CMBL: variants seen among roughly 807,000 people sequenced by gnomAD.
CMBL encodes the protein carboxymethylenebutenolidase homolog (Pseudomonas).
CMBL carries 17 observed loss-of-function variants against 28.7 expected under a neutral mutation model. The observed-to-expected ratio is 0.59, with a 90% CI of 0.41 to 0.89. CMBL has a LOEUF of 0.89. Among genes scored for constraint, CMBL ranks in the 40% least tolerant of loss-of-function variants. The probability of loss-of-function intolerance (pLI) is 0.00; values close to 1 mark genes in which losing one functional copy is unlikely to be tolerated. For synonymous variants in CMBL, 106 were observed against 101.6 expected (o/e 1.04, Z -0.26); for missense variants, 310 against 298.5 (o/e 1.04, Z -0.28).
At chr5:10,282,434 C>A (rs568358756) in intron 4 of CMBL, 146 bp from the exon 5 acceptor site, 2 of 589,540 alleles carry the variant, frequency 3.4e-6, no homozygotes, top group East Asian at 6.0e-5. Flanking sequence ...CTCTGCTTTG[C>A]GGACTTTATT....
chr5:10,304,448 T>G (rs1746962970), intron 1 of CMBL, among the ~76,000 whole-genome samples: 1 of 152,224 alleles, frequency 6.6e-6, no homozygotes, highest in African/African-American at 2.4e-5. Flanking sequence ...TTGGCCACAC[T>G]GTTCAGCACA....
chr5:10,281,760 T>C (rs1240446582), intron 5 of CMBL, among the ~76,000 whole-genome samples: 1 of 152,218 alleles, frequency 6.6e-6, no homozygotes, highest in Non-Finnish European at 1.5e-5. Flanking sequence ...ATAAGTGGAA[T>C]TGAATAAAAC....
At chr5:10,304,111 A>G (rs950544223) in intron 1 of CMBL, among the ~76,000 whole-genome samples, 8 of 152,086 alleles carry the variant, frequency 5.3e-5, no homozygotes, top group African/African-American at 1.4e-4. Context: ...CTATACTCCC[A>G]ACACTTTGGG....
chr5:10,298,382 T>G (rs1243302521), intron 1 of CMBL, among the ~76,000 whole-genome samples: 2 of 152,166 alleles, frequency 1.3e-5, no homozygotes, highest in African/African-American at 2.4e-5. Context: ...TAAATCCCAT[T>G]TCATGGTAAC....
chr5:10,281,970 G>A (rs1009268061), intron 5 of CMBL, among the ~76,000 whole-genome samples: 1 of 152,110 alleles, frequency 6.6e-6, no homozygotes, highest in African/African-American at 2.4e-5. Context: ...GACCAGCCTG[G>A]TCAACATGGT....
At chr5:10,294,682 G>T (rs1746779345) in intron 1 of CMBL, among the ~76,000 whole-genome samples, 2 of 152,164 alleles carry the variant, frequency 1.3e-5, no homozygotes, top group Non-Finnish European at 2.9e-5. Flanking sequence ...AGATGAAGCA[G>T]CTCACACCAG....
chr5:10,303,735 T>A (rs1017680106), intron 1 of CMBL, among the ~76,000 whole-genome samples: 1 of 152,108 alleles, frequency 6.6e-6, no homozygotes, highest in Non-Finnish European at 1.5e-5. Context: ...ATCACACACC[T>A]CTCATTATCC....
Position 10,279,358 on chromosome 5 carries a change from G to A in CMBL, c.*1095C>T, listed in dbSNP as rs1217945826. On this transcript the variant is annotated 3_prime_UTR_variant, in exon 6 of 6. Transcript: ENST00000296658. ...TTTTGATCTCAATACTTCCCATATT[G>A]CAATATATAAATGTGACAAATTCAG... 6.6e-6 allele frequency: 1 copy of A among 152,308 alleles called. No homozygotes were observed. The highest frequency in any genetic ancestry group is 6.5e-5 in the Admixed American group (1 of 15,300). The allele number at this position is 152,308 out of a possible 1,614,324, so 9.4% of individuals were successfully genotyped here.
Position 10,288,568 on chromosome 5 carries a change from T to C in CMBL, c.216-39A>G, listed in dbSNP as rs372612984. On this transcript the variant is annotated intron_variant, in intron 2 of 5. Transcript: ENST00000296658. ...ACATGAATTGATCTTAGTTTCAGAG[T>C]TGCTTGACTCAGTATTTTGCTTGCA... The C allele has an allele frequency of 2.9e-6, 4 of 1,400,408 alleles. No individual in the cohort carries two copies. In the African/African-American group the frequency reaches 4.2e-5, roughly 15 times the overall value. 86.7% of individuals were successfully genotyped at this position (1,400,408 alleles called of 1,614,324 possible).
rs144479678 is a variant in CMBL at position 10,280,503 on chromosome 5, T to C, written c.688A>G (p.Ile230Val). ...ATTAAATTCCTTCTGGCCTCGTCAA[T>C]GTAGGGCTTGTCTGCAGGTGAGCAA... Reference protein sequence around the residue: ...EDCSPADKPYIDEARRNLIEW... With the variant: ...EDCSPADKPYVDEARRNLIEW... Residue 230 changes from isoleucine to valine, a missense_variant, in exon 6 of 6, where the codon ATT (isoleucine) becomes GTT (valine). Coordinates refer to ENST00000296658, the MANE Select transcript of CMBL (RefSeq NM_138809.4). 4.3e-6 allele frequency: 7 copies of C among 1,613,628 alleles called. No homozygotes were observed. In the African/African-American group the frequency reaches 5.3e-5, roughly 12 times the overall value.
chr5:10,294,817 C>T (rs866906534), intron 1 of CMBL, among the ~76,000 whole-genome samples: 2 of 152,252 alleles, frequency 1.3e-5, no homozygotes, highest in Middle Eastern at 6.8e-3. Flanking sequence ...GTGATGACTA[C>T]AAGGGTTCCT....
At chr5:10,284,265 A>G (rs567158158) in intron 4 of CMBL, among the ~76,000 whole-genome samples, 1 of 152,362 alleles carries the variant, frequency 6.6e-6, no homozygotes, top group East Asian at 1.9e-4. Flanking sequence ...TCTCAGCTCC[A>G]TTGTTCCCAG....
intron 1 of CMBL, among the ~76,000 whole-genome samples, chr5:10,295,857 A>C (rs1047710159): frequency 6.6e-6 from 1 of 152,156 alleles, no homozygotes; most frequent in African/African-American, 2.4e-5. Context: ...CAGTGTAAAC[A>C]AGTGTCCTTT....
At chr5:10,292,709 A>G (rs1405601677) in intron 1 of CMBL, among the ~76,000 whole-genome samples, 1 of 151,734 alleles carries the variant, frequency 6.6e-6, no homozygotes, top group Non-Finnish European at 1.5e-5. Flanking sequence ...CTGTAGTCCC[A>G]GCTACTTGGG....
intron 1 of CMBL, chr5:10,292,018 A>G (rs1000246047): frequency 1.3e-5 from 2 of 152,258 alleles, no homozygotes; most frequent in Admixed American, 6.5e-5. Context: ...GGAAGGAATT[A>G]GGAAATTAAA....
intron 3 of CMBL, among the ~76,000 whole-genome samples, chr5:10,286,911 C>T (rs1251414158): frequency 6.6e-6 from 1 of 152,206 alleles, no homozygotes; most frequent in Non-Finnish European, 1.5e-5. Context: ...AGTCTCCTCT[C>T]TCCTCTCTCC....
rs747115407 is a variant in CMBL, at chr5:10,277,618, C to T, written c.*2835G>A. Among the ~76,000 whole-genome samples the T allele has an allele frequency of 1.3e-4, 20 of 151,434 alleles. No homozygotes were observed. Among genetic ancestry groups the T allele is most frequent in the Non-Finnish European group, 2.9e-4 (20 of 67,918 alleles). On this transcript the variant is annotated 3_prime_UTR_variant, in exon 6 of 6. Transcript: ENST00000296658. ...TGTCTCTTTCCTTTTTTTAATGGGG[C>T]TATAAGAAAATTTAAAATTACATAC...
At chr5:10,299,001 T>C (rs1746850792) in intron 1 of CMBL, among the ~76,000 whole-genome samples, 1 of 152,216 alleles carries the variant, frequency 6.6e-6, no homozygotes, top group South Asian at 2.1e-4. Context: ...CTAATCTCTC[T>C]ACTTTTATAT....
rs1423159542 is a variant in CMBL, at chr5:10,289,484, G to T, written c.216-955C>A. Among the ~76,000 whole-genome samples the T allele has an allele frequency of 1.3e-5, 2 of 152,156 alleles. No homozygotes were observed. Among genetic ancestry groups the T allele is most frequent in the African/African-American group, 4.8e-5 (2 of 41,426 alleles). On this transcript the variant is annotated intron_variant, in intron 2 of 5. Coordinates refer to ENST00000296658, the MANE Select transcript of CMBL (RefSeq NM_138809.4). The surrounding 1 kb of genome is among the most constrained non-coding windows in gnomAD (Gnocchi z 4.3). ...GCAATGCCATTTGATCGGCTGCTTG[G>T]GCCAGTGATCTGGGGCAGCCGCAAA...
Sources: allele counts gnomAD v4.1 joint callset (sites outside exome capture counted in the v4.1 genomes callset), GRCh38; gene constraint gnomAD v4.1.1; non-coding constraint Gnocchi (gnomAD v3.1); transcripts MANE v1.5; gene names NCBI Gene and HGNC (gene_info 2026-07-23, HGNC 2026-07-21).